The following ERC1 variants were observed in gnomAD, a reference collection of about 807,000 sequenced individuals.
ERC1 encodes the protein RAB6 interacting protein 2.
ERC1 carries 56 observed loss-of-function variants against 132.0 expected under a neutral mutation model. That is an observed-to-expected ratio of 0.42 (90% CI 0.34 to 0.53). The LOEUF (loss-of-function observed/expected upper bound fraction) is 0.53, where lower values mean the gene tolerates loss of function less well. ERC1 is among the 20% of genes least tolerant of loss of function. ERC1 has a pLI of 0.03. For missense variants in ERC1, 1,202 were observed against 1,349.9 expected (o/e 0.89, Z 1.72); for synonymous variants, 478 against 476.1 (o/e 1.00, Z -0.05).
intron 16 of ERC1, among the ~76,000 whole-genome samples, chr12:1,394,197 G>C (rs542593586): frequency 1.3e-5 from 2 of 151,272 alleles, no homozygotes; most frequent in African/African-American, 4.9e-5. Context: ...TCAGGAGATC[G>C]AGACCATCCT....
chr12:1,384,888 T>C (rs2089145438), intron 16 of ERC1, among the ~76,000 whole-genome samples: 1 of 152,228 alleles, frequency 6.6e-6, no homozygotes, highest in Admixed American at 6.5e-5. Flanking sequence ...TACTAATGGT[T>C]AAATCTAAAA....
intron 16 of ERC1, among the ~76,000 whole-genome samples, chr12:1,398,933 T>G (rs1440070791): frequency 6.6e-5 from 5 of 75,318 alleles, no homozygotes; most frequent in Non-Finnish European, 1.0e-4. Context: ...TCTCCTACTT[T>G]TTTTTTTTTT....
chr12:1,462,360 C>T (rs1328732771), intron 18 of ERC1, among the ~76,000 whole-genome samples: 2 of 152,050 alleles, frequency 1.3e-5, no homozygotes, highest in Non-Finnish European at 2.9e-5. Context: ...CATATGTCCA[C>T]AAAAAGACTT....
At chr12:1,170,184 A>G (rs1952896762) in intron 8 of ERC1, among the ~76,000 whole-genome samples, 1 of 152,176 alleles carries the variant, frequency 6.6e-6, no homozygotes, top group Admixed American at 6.5e-5. Context: ...GTGTATAATA[A>G]ACAAGTTTTT....
intron 12 of ERC1, among the ~76,000 whole-genome samples, chr12:1,217,862 A>G (rs1035286086): frequency 2.0e-5 from 3 of 152,158 alleles, no homozygotes; most frequent in African/African-American, 7.2e-5. Flanking sequence ...CAAAACCTCA[A>G]TCCTGATTTA....
At chr12:1,449,407 G>A (rs993026850) in intron 18 of ERC1, among the ~76,000 whole-genome samples, 3 of 152,138 alleles carry the variant, frequency 2.0e-5, no homozygotes, top group African/African-American at 7.2e-5. Flanking sequence ...TCATCCCCAC[G>A]TGTCATGGGA....
At chr12:1,185,576 C>G (rs1421342929) in intron 11 of ERC1, among the ~76,000 whole-genome samples, 1 of 151,992 alleles carries the variant, frequency 6.6e-6, no homozygotes, top group African/African-American at 2.4e-5. Context: ...GCCACTCATC[C>G]AAGCCAGTGA....
Position 1,293,335 on chromosome 12 carries a change from C to T in ERC1, c.2780+3323C>T, listed in dbSNP as rs530759417. 8.1e-5 allele frequency among the ~76,000 whole-genome samples: 12 copies of T among 148,896 alleles called. No individual in the cohort carries two copies. In the East Asian group the frequency reaches 2.2e-3, roughly 27 times the overall value. ...AGGCGTGGTGGCGGGCGCCTGTAGT[C>T]CCAGCTACTCGGGAGGCTGAGGCGG... On this transcript the variant is annotated intron_variant, in intron 15 of 18. Coordinates refer to ENST00000360905, the MANE Select transcript of ERC1 (RefSeq NM_178040.4).
rs34533745 is a variant in ERC1, at chr12:1,393,607, C to CGTGTGTGT, written c.2926-14507_2926-14500dup. Among the ~76,000 whole-genome samples, 21 of 140,232 alleles carry CGTGTGTGT rather than the reference C, an allele frequency of 1.5e-4. 1 individual carries two copies. The highest frequency in any genetic ancestry group is 1.5e-3 in the East Asian group (7 of 4,758). The allele number at this position is 140,232 out of a possible 152,430, so 92.0% of individuals were successfully genotyped here. ...TTTTTTTTCCTTTAGAGAGAACACA[C>CGTGTGTGT]GTGTGTGTGTGTGTGTGTGTGTGTG... On this transcript the variant is annotated intron_variant, in intron 16 of 18. Transcript: ENST00000360905.
In ERC1 at chr12:1,022,522, G is replaced by A. The variant is rs1324918238; in HGVS notation, c.-156-5226G>A. Among the ~76,000 whole-genome samples the A allele has an allele frequency of 2.0e-5, 3 of 152,154 alleles. No homozygotes were observed. In the South Asian group the frequency reaches 6.2e-4, roughly 32 times the overall value. The stretch of plus-strand genomic sequence containing the variant: ...GTTTGAAAAACACTGACTGGGGACT[G>A]TTACCGTTTGGCTGTGTCCCCAGCA... On this transcript the variant is annotated intron_variant, in intron 1 of 18. Coordinates refer to ENST00000360905, the MANE Select transcript of ERC1 (RefSeq NM_178040.4).
intron 3 of ERC1, among the ~76,000 whole-genome samples, chr12:1,103,341 G>A (rs1288113418): frequency 2.0e-5 from 3 of 152,162 alleles, no homozygotes; most frequent in Admixed American, 2.0e-4. Context: ...GCAGGCTGCC[G>A]AGAGGACTTG....
intron 18 of ERC1, among the ~76,000 whole-genome samples, chr12:1,488,439 C>T (rs1040406721): frequency 7.2e-5 from 11 of 152,162 alleles, no homozygotes; most frequent in Non-Finnish European, 4.4e-5. Flanking sequence ...CGACTGTAAG[C>T]ACTTTGGGAG....
chr12:1,412,806 G>A (rs1447849478), intron 17 of ERC1, among the ~76,000 whole-genome samples: 1 of 152,216 alleles, frequency 6.6e-6, no homozygotes, highest in Non-Finnish European at 1.5e-5. Flanking sequence ...GCTTTGAGCA[G>A]TACTGTACAT....
intron 7 of ERC1, among the ~76,000 whole-genome samples, chr12:1,133,905 A>G (rs917508928): frequency 6.6e-6 from 1 of 152,006 alleles, no homozygotes; most frequent in Admixed American, 6.6e-5. Context: ...TCATACCGTA[A>G]TCTGTGTTAT....
At chr12:1,444,892 G>A in intron 18 of ERC1, 142 bp downstream of exon 18, 1 of 632,222 alleles carries the variant, frequency 1.6e-6, no homozygotes, top group South Asian at 2.5e-5. Context: ...CCGTTGCTGT[G>A]TAGGTTCATG....
At chr12:1,039,277 C>T (rs1243666821) in intron 2 of ERC1, among the ~76,000 whole-genome samples, 1 of 149,884 alleles carries the variant, frequency 6.7e-6, no homozygotes, top group African/African-American at 2.5e-5. Flanking sequence ...GCGGAGTTTG[C>T]AGTCAGCCGA....
intron 15 of ERC1, among the ~76,000 whole-genome samples, chr12:1,305,146 A>C (rs891341314): frequency 6.6e-6 from 1 of 152,002 alleles, no homozygotes; most frequent in African/African-American, 2.4e-5. Context: ...CTGTGGAGCT[A>C]CTTTCCTTGG....
At chr12:1,041,208 T>C (rs1970159802) in intron 2 of ERC1, among the ~76,000 whole-genome samples, 1 of 128,058 alleles carries the variant, frequency 7.8e-6, no homozygotes. Flanking sequence ...AGTCTCTCTT[T>C]CTTTTTTTTT....
chr12:1,168,643 C>T (rs1395098283), intron 8 of ERC1, among the ~76,000 whole-genome samples: 4 of 151,924 alleles, frequency 2.6e-5, no homozygotes, highest in Non-Finnish European at 4.4e-5. Context: ...CACCACCACA[C>T]CCGGCTAATT....
Sources: gnomAD v4.1 joint callset for allele counts (sites outside exome capture counted in the v4.1 genomes callset) on GRCh38, gnomAD v4.1.1 for gene constraint, MANE v1.5 for transcripts, NCBI Gene and HGNC (gene_info 2026-07-23, HGNC 2026-07-21) for gene names.